Variants in NAALADL2 observed in about 807,000 individuals in gnomAD.
NAALADL2 encodes the protein inactive N-acetylated-alpha-linked acidic dipeptidase-like protein 2.
In NAALADL2, 76 loss-of-function variants were observed where a neutral mutation model predicts 87.2. The observed-to-expected ratio is 0.87, with a 90% CI of 0.72 to 1.05. The LOEUF is 1.05. NAALADL2 is among the 50% of genes least tolerant of loss of function. The pLI is 0.00. For missense variants in NAALADL2, 1,089 were observed against 945.8 expected, an observed-to-expected ratio of 1.15 and a Z score of -1.99; for synonymous variants, 354 against 331.0, an observed-to-expected ratio of 1.07 and a Z score of -0.75.
intron 1 of NAALADL2, among the ~76,000 whole-genome samples, chr3:174,508,766 G>T (rs1022228314): frequency 3.9e-5 from 6 of 152,156 alleles, no homozygotes; most frequent in African/African-American, 1.4e-4. Flanking sequence ...TTTAATTTCT[G>T]GCTGGGCGCA....
chr3:175,631,009 A>G (rs62284520), intron 11 of NAALADL2, among the ~76,000 whole-genome samples: 39,837 of 151,160 alleles, frequency 0.26, 6,034 homozygotes, highest in African/African-American at 0.43. Context: ...ATATAGCATC[A>G]TAGCCCAATC....
At chr3:175,602,302 G>A (rs1723068890) in intron 10 of NAALADL2, among the ~76,000 whole-genome samples, 2 of 151,974 alleles carry the variant, frequency 1.3e-5, no homozygotes, top group African/African-American at 2.4e-5. Context: ...ATTAGTTAAT[G>A]ATTAATCACT....
At chr3:174,793,946 T>C (rs1717768878) in intron 3 of NAALADL2, among the ~76,000 whole-genome samples, 1 of 152,036 alleles carries the variant, frequency 6.6e-6, no homozygotes, top group Non-Finnish European at 1.5e-5. Context: ...GAAGAAATCA[T>C]TTGGTTTAAC....
chr3:175,017,020 A>G (rs1452984896), intron 1 of NAALADL2, among the ~76,000 whole-genome samples: 1 of 152,030 alleles, frequency 6.6e-6, no homozygotes, highest in African/African-American at 2.4e-5. Context: ...CATTTCTTCC[A>G]TCTACCTGCG....
intron 1 of NAALADL2, among the ~76,000 whole-genome samples, chr3:174,479,306 G>A (rs1411670240): frequency 2.6e-5 from 4 of 152,044 alleles, no homozygotes; most frequent in African/African-American, 9.7e-5. Context: ...TATTTACTGA[G>A]TACTTAATTT....
At chr3:175,642,472 C>T (rs1427362827) in intron 11 of NAALADL2, among the ~76,000 whole-genome samples, 1 of 151,594 alleles carries the variant, frequency 6.6e-6, no homozygotes, top group Non-Finnish European at 1.5e-5. Flanking sequence ...TATACAGAAA[C>T]ATGCCCAAGA....
chr3:175,216,369 G>A (rs547291830), intron 2 of NAALADL2, among the ~76,000 whole-genome samples: 1 of 152,086 alleles, frequency 6.6e-6, no homozygotes, highest in Admixed American at 6.6e-5. Context: ...ACTTAATGAG[G>A]CTTTAAGAGA....
intron 1 of NAALADL2, among the ~76,000 whole-genome samples, chr3:174,968,323 C>T (rs943892762): frequency 3.3e-5 from 5 of 152,270 alleles, no homozygotes; most frequent in African/African-American, 9.6e-5. Flanking sequence ...TTCTGTATCT[C>T]ATTTTCTGCC....
At chr3:175,714,730 T>G (rs1332453579) in intron 11 of NAALADL2, among the ~76,000 whole-genome samples, 1 of 152,184 alleles carries the variant, frequency 6.6e-6, no homozygotes, top group Non-Finnish European at 1.5e-5. Context: ...GCTCTTTAGT[T>G]TAATTAGATC....
chr3:175,319,821 A>C (rs1319623415), intron 4 of NAALADL2, among the ~76,000 whole-genome samples: 3 of 152,178 alleles, frequency 2.0e-5, no homozygotes, highest in Non-Finnish European at 2.9e-5. Flanking sequence ...CTGTGTTTCA[A>C]AAAATAAAAA....
At chr3:174,462,205 T>A (rs1716259677) in intron 1 of NAALADL2, among the ~76,000 whole-genome samples, 1 of 152,096 alleles carries the variant, frequency 6.6e-6, no homozygotes, top group Non-Finnish European at 1.5e-5. Context: ...TCTTTTTCAA[T>A]GTTATCCCGT....
intron 2 of NAALADL2, among the ~76,000 whole-genome samples, chr3:174,714,733 T>C (rs1731015459): frequency 6.6e-6 from 1 of 152,188 alleles, no homozygotes; most frequent in Non-Finnish European, 1.5e-5. Flanking sequence ...TACAATCATG[T>C]CATCTGCAAA....
chr3:174,736,766 G>GGGAGCCGTCTCTTTCCACCTA (rs1381587462), intron 2 of NAALADL2, among the ~76,000 whole-genome samples: 15 of 152,162 alleles, frequency 9.9e-5, no homozygotes, highest in African/African-American at 2.9e-4. Flanking sequence ...AGTTTTACCG[G>GGGAGCCGTCTCTTTCCACCTA]GGAGCCGTCT....
chr3:174,561,201 CTTTTTTTTT>C (rs200957982), intron 2 of NAALADL2, among the ~76,000 whole-genome samples: 4 of 130,728 alleles, frequency 3.1e-5, no homozygotes, highest in African/African-American at 1.2e-4. Flanking sequence ...AATAGGATTC[CTTTTTTTTT>C]TTTTTTTTTG....
At chr3:174,875,548 T>C (rs1460602608) in intron 1 of NAALADL2, among the ~76,000 whole-genome samples, 1 of 152,168 alleles carries the variant, frequency 6.6e-6, no homozygotes, top group African/African-American at 2.4e-5. Context: ...ATTAAAATGA[T>C]TTCTAAAGTT....
chr3:174,878,267 T>A (rs184418131), intron 1 of NAALADL2, among the ~76,000 whole-genome samples: 1 of 152,106 alleles, frequency 6.6e-6, no homozygotes, highest in African/African-American at 2.4e-5. Flanking sequence ...GATTGTCAAA[T>A]TGAGAACTCA....
At chr3:174,621,332 G>A (rs1015084341) in intron 2 of NAALADL2, among the ~76,000 whole-genome samples, 2 of 151,960 alleles carry the variant, frequency 1.3e-5, no homozygotes, top group African/African-American at 2.4e-5. Flanking sequence ...GAAAAAAAAC[G>A]AATCAATGAA....
At chr3:175,612,526 G>A (rs1368608045) in intron 10 of NAALADL2, among the ~76,000 whole-genome samples, 2 of 152,102 alleles carry the variant, frequency 1.3e-5, no homozygotes, top group Non-Finnish European at 2.9e-5. Flanking sequence ...GAATGTATTT[G>A]TTTCTTCTTA....
At chr3:174,500,486 A>G (rs189975353) in intron 1 of NAALADL2, among the ~76,000 whole-genome samples, 109 of 152,288 alleles carry the variant, frequency 7.2e-4, no homozygotes, top group Non-Finnish European at 1.2e-3. Flanking sequence ...CCTCCAGTGT[A>G]ATGTTATATC....
Sources: gnomAD v4.1 joint callset for allele counts (sites outside exome capture counted in the v4.1 genomes callset) on GRCh38, gnomAD v4.1.1 for gene constraint, MANE v1.5 for transcripts, NCBI Gene and HGNC (gene_info 2026-07-23, HGNC 2026-07-21) for gene names.